ARIH1: variants seen among roughly 807,000 people sequenced by gnomAD.
The protein encoded by ARIH1 is E3 ubiquitin-protein ligase ARIH1.
Under a neutral mutation model 85.0 loss-of-function variants are expected in ARIH1, and 8 were observed. The observed-to-expected ratio is 0.09, with a 90% confidence interval of 0.06 to 0.17. The LOEUF is 0.17. Ranked by LOEUF, ARIH1 falls within the 10% of genes least tolerant of loss-of-function variation. The pLI is 1.00. For missense variants in ARIH1, 311 were observed against 718.1 expected (o/e 0.43, Z 6.48); for synonymous variants, 238 against 253.6 (o/e 0.94, Z 0.59).
chr15:72,583,317 C>G lies in ARIH1; in HGVS notation c.*25C>G. ...AGAATGGCCCTGCATAAAATGAACT[C>G]TGAAAACTTTACCATCTAGAGTGCT... is the stretch of plus-strand genomic sequence containing the variant. On this transcript the variant is annotated 3_prime_UTR_variant, in exon 14 of 14. Transcript: ENST00000379887. The G allele has an allele frequency of 6.3e-7, 1 of 1,589,250 alleles. No homozygotes were observed. Among genetic ancestry groups the G allele is most frequent in the African/African-American group, 1.3e-5 (1 of 74,108 alleles).
intron 1 of ARIH1, among the ~76,000 whole-genome samples, chr15:72,482,618 C>T (rs1168484348): frequency 6.6e-6 from 1 of 152,122 alleles, no homozygotes; most frequent in Non-Finnish European, 1.5e-5. Context: ...CAGAAGTCAT[C>T]ACATTAGATT....
rs1368805868 is a variant in ARIH1, at chr15:72,515,444, G to A, written c.376-2623G>A. On this transcript the variant is annotated intron_variant, in intron 1 of 13. Transcript: ENST00000379887. The stretch of plus-strand genomic sequence containing the variant: ...AGTCAGCATCTGTTGATTATCTTCT[G>A]CTTTAAGAATTGGTCAGTTTTTTGT... Among the ~76,000 whole-genome samples, 12 of 152,310 alleles carry A rather than the reference G, an allele frequency of 7.9e-5. No homozygotes were observed. The South Asian group carries it at 2.5e-3, about 32-fold the overall frequency.
At chr15:72,494,497 C>G (rs1338546462) in intron 1 of ARIH1, among the ~76,000 whole-genome samples, 1 of 152,096 alleles carries the variant, frequency 6.6e-6, no homozygotes, top group Non-Finnish European at 1.5e-5. Context: ...TTGAATATTG[C>G]TGAAATTACT....
chr15:72,499,144 T>A (rs1360111211), intron 1 of ARIH1, among the ~76,000 whole-genome samples: 1 of 151,860 alleles, frequency 6.6e-6, no homozygotes, highest in East Asian at 2.0e-4. Context: ...CTTGGCTAAT[T>A]TTTGTATTTT....
chr15:72,525,946 A>G (rs942572044), intron 2 of ARIH1, among the ~76,000 whole-genome samples: 1 of 152,040 alleles, frequency 6.6e-6, no homozygotes, highest in Non-Finnish European at 1.5e-5. Flanking sequence ...CAATCTCCAC[A>G]TTTTTTGCAT....
chr15:72,580,119 C>T (rs892071571), intron 11 of ARIH1, among the ~76,000 whole-genome samples: 3 of 152,094 alleles, frequency 2.0e-5, no homozygotes, highest in Non-Finnish European at 4.4e-5. Context: ...CTCTGGTAAC[C>T]GTCATTATAC....
chr15:72,602,034 CTCTT>C lies in ARIH1; in HGVS notation c.*18748_*18751del, dbSNP rs765072127. ...TCAATATTAATATGTAAATAGTTGC[CTCTT>C]TCTTTTTCATGCGCCATATAATATG... On this transcript the variant is annotated 3_prime_UTR_variant, in exon 14 of 14. Transcript: ENST00000379887. 1.2e-4 allele frequency: 18 copies of C among 152,070 alleles called. No individual in the cohort carries two copies. The East Asian group carries it at 2.3e-3, about 20-fold the overall frequency. 9.4% of individuals were successfully genotyped at this position (152,070 alleles called of 1,614,324 possible). A position where few individuals can be genotyped will look rare whatever the true frequency, so the allele number is the denominator to read the frequency against.
intron 3 of ARIH1, among the ~76,000 whole-genome samples, chr15:72,548,048 A>G (rs1463060726): frequency 1.3e-5 from 2 of 152,334 alleles, no homozygotes; most frequent in African/African-American, 4.8e-5. Flanking sequence ...GCACTATTCT[A>G]AGAAACAATG....
intron 7 of ARIH1, among the ~76,000 whole-genome samples, chr15:72,563,743 C>T (rs1482936674): frequency 1.3e-5 from 2 of 152,062 alleles, no homozygotes; most frequent in East Asian, 1.9e-4. Flanking sequence ...AAATATACAA[C>T]TCTAATCATA....
intron 1 of ARIH1, among the ~76,000 whole-genome samples, chr15:72,492,148 T>C (rs983974143): frequency 6.6e-6 from 1 of 152,210 alleles, no homozygotes; most frequent in African/African-American, 2.4e-5. Flanking sequence ...TTATATTTAC[T>C]GTTTTCTACT....
intron 1 of ARIH1, among the ~76,000 whole-genome samples, chr15:72,498,961 ATTTTTTTTTTTT>A (rs535261674): frequency 3.2e-3 from 285 of 88,396 alleles, no homozygotes; most frequent in African/African-American, 0.012. Context: ...CTTTTCATAA[ATTTTTTTTTTTT>A]TTTTTTTTTT....
Position 72,520,355 on chromosome 15 carries a change from C to CT in ARIH1, c.443+2234dup, listed in dbSNP as rs918763301. Among the ~76,000 whole-genome samples the CT allele has an allele frequency of 5.3e-3, 753 of 142,918 alleles. 1 individual carries two copies. The highest frequency in any genetic ancestry group is 0.012 in the African/African-American group (457 of 39,252). The allele number at this position is 142,918 out of a possible 152,430, so 93.8% of individuals were successfully genotyped here. On this transcript the variant is annotated intron_variant, in intron 2 of 13. Transcript: ENST00000379887. The stretch of plus-strand genomic sequence containing the variant: ...GTTGTCTGCTATTAGCACTGCCACA[C>CT]TTTTTTTTTTTTTAAAGCATTTGAC...
intron 1 of ARIH1, chr15:72,475,239 C>T (rs752360999): frequency 2.2e-5 from 22 of 1,014,744 alleles, no homozygotes; most frequent in Non-Finnish European, 2.6e-5. Flanking sequence ...CTTCCCAAGT[C>T]CTGCTATGGC....
intron 2 of ARIH1, among the ~76,000 whole-genome samples, chr15:72,536,866 C>CT (rs1439814499): frequency 6.6e-6 from 1 of 151,968 alleles, no homozygotes; most frequent in African/African-American, 2.4e-5. Flanking sequence ...TATTACAATG[C>CT]TGTTTTTTTA....
intron 12 of ARIH1, among the ~76,000 whole-genome samples, chr15:72,581,238 C>T (rs1365481138): frequency 6.6e-6 from 1 of 152,142 alleles, no homozygotes; most frequent in Admixed American, 6.5e-5. Context: ...TTAATCTTTA[C>T]TTCATTATGT....
intron 1 of ARIH1, among the ~76,000 whole-genome samples, chr15:72,500,205 C>G (rs2063896912): frequency 1.3e-5 from 2 of 151,920 alleles, no homozygotes; most frequent in African/African-American, 4.8e-5. Context: ...GCGATTTCTC[C>G]TGCCTCAGCC....
intron 7 of ARIH1, 104 bp from the exon 8 acceptor site, chr15:72,566,459 C>G (rs980700315): frequency 2.2e-6 from 2 of 923,194 alleles, no homozygotes; most frequent in Non-Finnish European, 3.5e-6. Flanking sequence ...TCACTAGAAA[C>G]TAGTGACAAT....
intron 9 of ARIH1, among the ~76,000 whole-genome samples, chr15:72,568,168 A>G (rs915623224): frequency 3.3e-5 from 5 of 152,212 alleles, no homozygotes; most frequent in African/African-American, 1.2e-4. Context: ...CTCCAAAACC[A>G]TCACGATAAG....
At position 72,594,499 on chromosome 15, in the gene ARIH1, A is replaced by G. The variant is rs1466807996; in HGVS notation, c.*11207A>G. ...CATTTTTAAGTTGTTTGCTGCTAGT[A>G]TCTAGAAATACAATTGATTTTTTGT... On this transcript the variant is annotated 3_prime_UTR_variant, in exon 14 of 14. Transcript: ENST00000379887. 2 of 152,042 alleles carry G rather than the reference A, an allele frequency of 1.3e-5. No homozygotes were observed. The highest frequency in any genetic ancestry group is 6.6e-5 in the Admixed American group (1 of 15,258). 9.4% of individuals were successfully genotyped at this position (152,042 alleles called of 1,614,324 possible).
Sources: allele counts gnomAD v4.1 joint callset (sites outside exome capture counted in the v4.1 genomes callset), GRCh38; gene constraint gnomAD v4.1.1; transcripts MANE v1.5; gene names NCBI Gene and HGNC (gene_info 2026-07-23, HGNC 2026-07-21).